Variants in ERC2 observed in about 807,000 individuals in gnomAD.
ERC2 encodes the protein ERC protein 2.
A neutral mutation model predicts 114.8 loss-of-function variants in ERC2; 42 were observed. The observed-to-expected ratio is 0.37, with a 90% CI of 0.29 to 0.47. The LOEUF is 0.47. ERC2 is among the 20% of genes least tolerant of loss of function. The pLI, the probability that ERC2 is intolerant of heterozygous loss-of-function variation, is 0.99. For missense variants in ERC2, 939 were observed against 1,150.7 expected (o/e 0.82, Z 2.66); for synonymous variants, 454 against 425.5 (o/e 1.07, Z -0.82).
intron 2 of ERC2, among the ~76,000 whole-genome samples, chr3:56,357,336 C>G (rs2058783187): frequency 6.6e-6 from 1 of 152,206 alleles, no homozygotes. Flanking sequence ...CCATTAATTT[C>G]TATTCTCACG....
At chr3:55,883,612 G>A (rs139834090) in intron 14 of ERC2, among the ~76,000 whole-genome samples, 1,542 of 152,050 alleles carry the variant, frequency 0.01, 11 homozygotes, top group Middle Eastern at 0.027. Context: ...TGTTAAGGCC[G>A]GGTGCAGTGG....
At chr3:56,292,423 CAAAA>C (rs796877268) in intron 3 of ERC2, among the ~76,000 whole-genome samples, 1 of 77,056 alleles carries the variant, frequency 1.3e-5, no homozygotes, top group African/African-American at 3.9e-5. Context: ...ACCAAAAATA[CAAAA>C]AAAAAAAAAA....
intron 2 of ERC2, among the ~76,000 whole-genome samples, chr3:56,429,972 C>T (rs970296769): frequency 4.6e-5 from 7 of 152,068 alleles, no homozygotes; most frequent in South Asian, 2.1e-4. Flanking sequence ...CAGGAGCCCT[C>T]GACAACGCTG....
chr3:55,591,903 A>AATCC (rs1343878661), intron 17 of ERC2, among the ~76,000 whole-genome samples: 1 of 152,220 alleles, frequency 6.6e-6, no homozygotes, highest in Non-Finnish European at 1.5e-5. Flanking sequence ...GGCAATTCTG[A>AATCC]ATCCAGTTAT....
intron 2 of ERC2, among the ~76,000 whole-genome samples, chr3:56,313,490 T>C (rs555235895): frequency 6.6e-6 from 1 of 152,302 alleles, no homozygotes; most frequent in Admixed American, 6.5e-5. Context: ...CTAGTTAATA[T>C]TCTTTGGGTT....
intron 17 of ERC2, among the ~76,000 whole-genome samples, chr3:55,660,115 T>G (rs1263977594): frequency 6.7e-6 from 1 of 149,296 alleles, no homozygotes; most frequent in Non-Finnish European, 1.5e-5. Flanking sequence ...TCAGTTCATA[T>G]TTGTTAAATG....
rs545246957 is a variant in ERC2, at chr3:56,094,631, G to A, written c.1474-13647C>T. ...ACCTAACCTAAATTTCATGTCAGGA[G>A]GTGAATGATCCAGCTGTACTGTATT... On this transcript the variant is annotated intron_variant, in intron 6 of 17. Coordinates refer to ENST00000288221, the MANE Select transcript of ERC2 (RefSeq NM_015576.3). Among the ~76,000 whole-genome samples, 4 of 152,328 alleles carry A rather than the reference G, an allele frequency of 2.6e-5. No individual in the cohort carries two copies. In the South Asian group the frequency reaches 8.3e-4, roughly 32 times the overall value.
At chr3:55,875,713 C>CAT (rs1159167705) in intron 14 of ERC2, among the ~76,000 whole-genome samples, 2 of 147,402 alleles carry the variant, frequency 1.4e-5, no homozygotes, top group African/African-American at 5.3e-5. Flanking sequence ...CACACACACA[C>CAT]ACACACACAC....
intron 1 of ERC2, among the ~76,000 whole-genome samples, chr3:56,463,401 C>T (rs1041836991): frequency 6.6e-6 from 1 of 152,182 alleles, no homozygotes; most frequent in African/African-American, 2.4e-5. Context: ...AGGAAAGCCT[C>T]CACCCAAAAA....
intron 17 of ERC2, among the ~76,000 whole-genome samples, chr3:55,540,180 T>G (rs555318586): frequency 6.6e-6 from 1 of 152,344 alleles, no homozygotes; most frequent in African/African-American, 2.4e-5. Flanking sequence ...ATATCCTACC[T>G]GACAATACAG....
At chr3:56,332,144 A>C (rs1398696803) in intron 2 of ERC2, among the ~76,000 whole-genome samples, 1 of 40,736 alleles carries the variant, frequency 2.5e-5, no homozygotes, top group East Asian at 5.8e-4. Context: ...ACACACACAC[A>C]CACATGTGCA....
At chr3:55,703,645 T>C (rs1355183603) in intron 15 of ERC2, among the ~76,000 whole-genome samples, 2 of 152,210 alleles carry the variant, frequency 1.3e-5, no homozygotes, top group African/African-American at 4.8e-5. Context: ...GAGTCTCATG[T>C]CTTAGCTGTA....
chr3:55,516,986 A>G (rs1217540152), intron 17 of ERC2, among the ~76,000 whole-genome samples: 1 of 152,148 alleles, frequency 6.6e-6, no homozygotes, highest in Non-Finnish European at 1.5e-5. Flanking sequence ...CTGGGGCCTC[A>G]TTTGAATCCA....
At position 56,354,730 on chromosome 3, in the gene ERC2, C is replaced by T. The variant is rs796405736; in HGVS notation, c.658-58295G>A. On this transcript the variant is annotated intron_variant, in intron 2 of 17. Coordinates refer to ENST00000288221, the MANE Select transcript of ERC2 (RefSeq NM_015576.3). ...TAAGTTCCCAAACACGGGAAGTGTC[C>T]AAGAGATACTTTTTGAATTGAAATT... Among the ~76,000 whole-genome samples, 3 of 152,136 alleles carry T rather than the reference C, an allele frequency of 2.0e-5. No homozygotes were observed. The South Asian group carries it at 6.2e-4, about 32-fold the overall frequency.
intron 12 of ERC2, among the ~76,000 whole-genome samples, chr3:55,960,139 A>T (rs2068255611): frequency 6.6e-6 from 1 of 152,086 alleles, no homozygotes. Context: ...CTTTTCATCC[A>T]TTCTCCATCC....
chr3:55,681,948 G>A (rs920530169), intron 17 of ERC2, among the ~76,000 whole-genome samples: 2 of 152,094 alleles, frequency 1.3e-5, no homozygotes, highest in East Asian at 1.9e-4. Context: ...GCAGCCTAGC[G>A]CCCTGATACT....
intron 3 of ERC2, among the ~76,000 whole-genome samples, chr3:56,183,244 A>G (rs2083388001): frequency 6.6e-6 from 1 of 152,238 alleles, no homozygotes; most frequent in Non-Finnish European, 1.5e-5. Flanking sequence ...TAAAGCAAGA[A>G]GTTAAAAATA....
intron 7 of ERC2, among the ~76,000 whole-genome samples, chr3:56,063,675 A>G (rs1330513964): frequency 2.0e-5 from 3 of 152,232 alleles, no homozygotes; most frequent in Non-Finnish European, 4.4e-5. Context: ...TGAGATTCAA[A>G]GCCAGGCCTG....
intron 7 of ERC2, among the ~76,000 whole-genome samples, chr3:56,071,063 C>T (rs1437469263): frequency 6.6e-6 from 1 of 152,136 alleles, no homozygotes; most frequent in Non-Finnish European, 1.5e-5. Context: ...CTGTAACTTG[C>T]CTATTTAGTA....
Sources: gnomAD v4.1 joint callset for allele counts (sites outside exome capture counted in the v4.1 genomes callset) on GRCh38, gnomAD v4.1.1 for gene constraint, MANE v1.5 for transcripts, NCBI Gene and HGNC (gene_info 2026-07-23, HGNC 2026-07-21) for gene names.